Variants in LRP11 observed in about 807,000 individuals in gnomAD.
LRP11 encodes the protein low-density lipoprotein receptor-related protein 11.
In LRP11, 25 loss-of-function variants were observed where a neutral mutation model predicts 43.1. The observed-to-expected ratio is 0.58, with a 90% confidence interval of 0.42 to 0.81. LRP11 has a LOEUF of 0.81. Among genes scored for constraint, LRP11 ranks in the 30% least tolerant of loss-of-function variants. LRP11 has a pLI of 0.00. For synonymous variants in LRP11, 316 were observed against 299.4 expected, an observed-to-expected ratio of 1.06 and a Z score of -0.57; for missense variants, 623 against 665.1, an observed-to-expected ratio of 0.94 and a Z score of 0.70.
At chr6:149,852,926 G>A in intron 2 of LRP11, 77 bp downstream of exon 2, 1 of 1,305,300 alleles carries the variant, frequency 7.7e-7, no homozygotes, top group Non-Finnish European at 1.0e-6. Flanking sequence ...CATTTAGGGA[G>A]CATGAAGTGG....
At position 149,827,894 on chromosome 6, in the gene LRP11, C is replaced by T. The variant is rs1453420442; in HGVS notation, c.1253-1535G>A. Among the ~76,000 whole-genome samples the T allele has an allele frequency of 6.6e-5, 10 of 151,824 alleles. No individual in the cohort carries two copies. The highest frequency in any genetic ancestry group is 1.4e-4 in the African/African-American group (6 of 41,404). On this transcript the variant is annotated intron_variant, in intron 5 of 6. Coordinates refer to ENST00000239367, the MANE Select transcript of LRP11 (RefSeq NM_032832.6). The surrounding 1 kb of genome is among the most constrained non-coding windows in gnomAD (Gnocchi z 4.2). The stretch of plus-strand genomic sequence containing the variant: ...AAAAAAATTAGCCAGGCATGGTGGG[C>T]GCCTGTAGTCCCAGCTGCTGGGGAG...
rs539665023 is a variant in LRP11, at chr6:149,821,350, G to A, written c.1349-647C>T. Among the ~76,000 whole-genome samples, 9 of 152,254 alleles carry A rather than the reference G, an allele frequency of 5.9e-5. No homozygotes were observed. The East Asian group carries it at 1.2e-3, about 20-fold the overall frequency. On this transcript the variant is annotated intron_variant, in intron 6 of 6. Transcript: ENST00000239367. ...CAACTGAAATAGGCATTCTGATCAC[G>A]AAATTTTTTTGTTGTAGTCATTGAC...
At chr6:149,854,271 C>T (rs986050594) in intron 1 of LRP11, among the ~76,000 whole-genome samples, 1 of 152,118 alleles carries the variant, frequency 6.6e-6, no homozygotes, top group African/African-American at 2.4e-5. Flanking sequence ...CAGGTGTGTG[C>T]TAACCTTCCC....
chr6:149,851,523 A>G (rs1776719243), intron 2 of LRP11, among the ~76,000 whole-genome samples: 1 of 152,122 alleles, frequency 6.6e-6, no homozygotes, highest in African/African-American at 2.4e-5. Flanking sequence ...TCTTTTTTTC[A>G]AAGACTTCCA....
Position 149,843,053 on chromosome 6 carries a change from C to T in LRP11, c.843G>A (p.Thr281=), listed in dbSNP as rs370621735. 7.4e-6 allele frequency: 12 copies of T among 1,614,076 alleles called. No individual in the cohort carries two copies. The highest frequency in any genetic ancestry group is 5.3e-5 in the African/African-American group (4 of 74,940). Reference sequence around the variant, plus strand: ...CAGAGCTTCTCTGCCCGGCAGTGTCCGTCACGGTCAGCTGGAAGGTGTAGG... The same window carrying T: ...CAGAGCTTCTCTGCCCGGCAGTGTCTGTCACGGTCAGCTGGAAGGTGTAGG... The part of the protein sequence containing the change: ...EGTYTFQLTV[T]DTAGQRSSDN... Residue 281 remains threonine (T), a synonymous_variant, in exon 3 of 7, where the codon ACG becomes ACA. Transcript: ENST00000239367.
intron 5 of LRP11, among the ~76,000 whole-genome samples, chr6:149,832,424 G>T (rs1034405831): frequency 6.6e-6 from 1 of 151,846 alleles, no homozygotes; most frequent in East Asian, 1.9e-4. Context: ...AACTGACCTC[G>T]TGATTTGCCT....
At chr6:149,859,396 A>ATATATATATATATATATATATATAT in intron 1 of LRP11, among the ~76,000 whole-genome samples, 21 of 71,504 alleles carry the variant, frequency 2.9e-4, no homozygotes, top group Non-Finnish European at 3.7e-4. Context: ...ATATATATAT[A>ATATATATATATATATATATATATAT]TTTTTTTTTT....
intron 2 of LRP11, among the ~76,000 whole-genome samples, chr6:149,847,663 T>C (rs1303728602): frequency 6.6e-6 from 1 of 152,212 alleles, no homozygotes; most frequent in African/African-American, 2.4e-5. Context: ...TCCCAATCTC[T>C]GCTCAAGATC....
Position 149,843,107 on chromosome 6 carries a change from G to C in LRP11, c.789C>G (p.Thr263=). The change falls in exon 3 of 7, where the codon ACC becomes ACG. Residue 263 remains threonine, a synonymous_variant. Coordinates refer to ENST00000239367, the MANE Select transcript of LRP11 (RefSeq NM_032832.6). ...CCTCCTGTAGGTGGGACAGCTTCAG[G>C]GTTCCTGATTGAGGCACCTGCCACA... is the stretch of plus-strand genomic sequence containing the variant. ...SVDMKVPQSG[T]LKLSHLQEGT... is the part of the protein sequence containing the mutation. 1 of 1,614,138 alleles carries C rather than the reference G, an allele frequency of 6.2e-7. No homozygotes were observed.
chr6:149,826,432 A>G (rs1414611991), intron 5 of LRP11, 73 bp from the exon 6 acceptor site: 1 of 1,072,188 alleles, frequency 9.3e-7, no homozygotes, highest in Non-Finnish European at 1.4e-6. Flanking sequence ...GTGAAAATAC[A>G]GCCTTATTTT....
intron 3 of LRP11, chr6:149,842,772 G>T: frequency 7.5e-7 from 1 of 1,339,090 alleles, no homozygotes; most frequent in Non-Finnish European, 1.0e-6. Flanking sequence ...CCCCTGGAGT[G>T]CTTCCTCCAC....
At chr6:149,828,467 A>G (rs1270299526) in intron 5 of LRP11, among the ~76,000 whole-genome samples, 13 of 150,822 alleles carry the variant, frequency 8.6e-5, no homozygotes, top group Non-Finnish European at 1.9e-4. Flanking sequence ...TGATATCCAT[A>G]TTGAAAATAT....
rs747665356 is a variant in LRP11 at position 149,826,302 on chromosome 6, C to T, written c.1310G>A (p.Gly437Asp). ...KEESYIFESK[G>D]DGGGGEHPAP... is the part of the protein sequence containing the mutation. Reference sequence around the variant, plus strand: ...TGGGTGTTCCCCTCCTCCTCCATCACCCTTTGACTCAAATATATAACTTTC... The same window carrying T: ...TGGGTGTTCCCCTCCTCCTCCATCATCCTTTGACTCAAATATATAACTTTC... The change falls in exon 6 of 7, where the codon GGT becomes GAT. Residue 437 changes from glycine (G) to aspartate (D), a missense_variant. Gly to Asp is a moderately conservative substitution (Grantham distance 94). Coordinates refer to ENST00000239367, the MANE Select transcript of LRP11 (RefSeq NM_032832.6). 5 of 1,613,856 alleles carry T rather than the reference C, an allele frequency of 3.1e-6. No individual in the cohort carries two copies. Among genetic ancestry groups the T allele is most frequent in the South Asian group, 1.1e-5 (1 of 91,070 alleles).
intron 2 of LRP11, among the ~76,000 whole-genome samples, chr6:149,850,977 A>G (rs1386261993): frequency 6.6e-6 from 1 of 152,210 alleles, no homozygotes; most frequent in Non-Finnish European, 1.5e-5. Flanking sequence ...TGGGTGCTCA[A>G]TCCGTGGGGG....
intron 6 of LRP11, among the ~76,000 whole-genome samples, chr6:149,825,002 T>C (rs1251430999): frequency 6.6e-6 from 1 of 152,238 alleles, no homozygotes; most frequent in African/African-American, 2.4e-5. Context: ...AGGGCCCCTT[T>C]TATTCAAATA....
At chr6:149,845,825 A>G (rs1448194490) in intron 2 of LRP11, among the ~76,000 whole-genome samples, 3 of 151,916 alleles carry the variant, frequency 2.0e-5, no homozygotes, top group African/African-American at 7.3e-5. Flanking sequence ...TCAGATAAAT[A>G]AGAGTGAAAA....
intron 5 of LRP11, among the ~76,000 whole-genome samples, chr6:149,833,625 T>G (rs993168997): frequency 6.6e-6 from 1 of 152,198 alleles, no homozygotes; most frequent in African/African-American, 2.4e-5. Context: ...TGCTTTTAAC[T>G]TTCTTTGTAT....
chr6:149,824,814 C>T (rs760732950), intron 6 of LRP11, among the ~76,000 whole-genome samples: 50 of 152,284 alleles, frequency 3.3e-4, no homozygotes, highest in African/African-American at 7.9e-4. Context: ...GAGCTGAGAT[C>T]GCGCCGCTGT....
intron 2 of LRP11, among the ~76,000 whole-genome samples, chr6:149,851,267 T>C (rs1422222500): frequency 6.6e-6 from 1 of 152,174 alleles, no homozygotes; most frequent in Admixed American, 6.5e-5. Flanking sequence ...AGCTCATTAA[T>C]AGAAGGAGAG....
Sources: gnomAD v4.1 joint callset for allele counts (sites outside exome capture counted in the v4.1 genomes callset) on GRCh38, gnomAD v4.1.1 for gene constraint, Gnocchi (gnomAD v3.1) non-coding constraint, MANE v1.5 for transcripts, NCBI Gene and HGNC (gene_info 2026-07-23, HGNC 2026-07-21) for gene names.